The following NIPBL variants were observed in gnomAD, a reference collection of about 807,000 sequenced individuals.
The protein encoded by NIPBL is NIPBL cohesin loading factor, also known as nipped-B-like protein.
NIPBL carries 19 observed loss-of-function variants against 321.8 expected under a neutral mutation model. That is an observed-to-expected ratio of 0.06 (90% CI 0.04 to 0.09). NIPBL has a LOEUF of 0.09. Among genes scored for constraint, NIPBL ranks in the 10% least tolerant of loss-of-function variants. The probability of loss-of-function intolerance (pLI) is 1.00; values close to 1 mark genes in which losing one functional copy is unlikely to be tolerated. For missense variants in NIPBL, 2,210 were observed against 3,327.0 expected (o/e 0.66, Z 8.26); for synonymous variants, 1,106 against 1,114.1 (o/e 0.99, Z 0.14).
chr5:36,977,595 T>C (rs1743628308), intron 9 of NIPBL, among the ~76,000 whole-genome samples: 3 of 150,952 alleles, frequency 2.0e-5, no homozygotes, highest in African/African-American at 4.9e-5. Flanking sequence ...GGTTTTTTTT[T>C]CTTTGTCTTT....
intron 1 of NIPBL, among the ~76,000 whole-genome samples, chr5:36,946,622 T>C (rs1739714538): frequency 1.3e-5 from 2 of 151,714 alleles, no homozygotes; most frequent in African/African-American, 4.8e-5. Flanking sequence ...ATGTACTTAG[T>C]TTTAAGCCTT....
At chr5:36,879,766 CT>C (rs1745368731) in intron 1 of NIPBL, among the ~76,000 whole-genome samples, 1 of 152,034 alleles carries the variant, frequency 6.6e-6, no homozygotes, top group Non-Finnish European at 1.5e-5. Flanking sequence ...AACAATGTCG[CT>C]TATTGTTTCT....
intron 1 of NIPBL, among the ~76,000 whole-genome samples, chr5:36,938,818 G>A (rs979058105): frequency 4.6e-5 from 7 of 152,144 alleles, no homozygotes; most frequent in African/African-American, 1.7e-4. Flanking sequence ...AACTGACGTT[G>A]ATACAATCCG....
chr5:36,897,501 A>G (rs1406468965), intron 1 of NIPBL, among the ~76,000 whole-genome samples: 1 of 152,158 alleles, frequency 6.6e-6, no homozygotes, highest in Non-Finnish European at 1.5e-5. Context: ...CAAATAATAC[A>G]TGTCAACAGT....
chr5:36,952,744 C>T (rs1006628813), intron 1 of NIPBL, among the ~76,000 whole-genome samples: 2 of 152,206 alleles, frequency 1.3e-5, no homozygotes, highest in African/African-American at 4.8e-5. Context: ...CGTCTTTGTC[C>T]TTTATGTGGT....
chr5:36,951,029 C>G (rs1383991623), intron 1 of NIPBL, among the ~76,000 whole-genome samples: 15 of 152,124 alleles, frequency 9.9e-5, no homozygotes, highest in Non-Finnish European at 2.9e-5. Context: ...CAGTGAAGAT[C>G]AAATATTTTT....
intron 42 of NIPBL, among the ~76,000 whole-genome samples, chr5:37,053,396 G>A (rs1033658106): frequency 1.3e-5 from 2 of 152,186 alleles, no homozygotes; most frequent in African/African-American, 4.8e-5. Flanking sequence ...AACATGTTAT[G>A]TGGCACATGA....
intron 1 of NIPBL, chr5:36,886,060 C>G (rs541987696): frequency 1.4e-6 from 1 of 704,314 alleles, no homozygotes; most frequent in East Asian, 2.7e-5. Flanking sequence ...CCACTCAGTC[C>G]GCGCAGGTCG....
chr5:36,950,106 A>G (rs936352468), intron 1 of NIPBL, among the ~76,000 whole-genome samples: 4 of 151,976 alleles, frequency 2.6e-5, no homozygotes, highest in African/African-American at 9.7e-5. Context: ...GCCAGTATTT[A>G]TTTCTCCTAC....
chr5:36,917,797 T>C, intron 1 of NIPBL, among the ~76,000 whole-genome samples: 1 of 152,002 alleles, frequency 6.6e-6, no homozygotes, highest in Non-Finnish European at 1.5e-5. Flanking sequence ...TCCCCATTTC[T>C]TGTTTTTGTC....
At chr5:37,014,916 A>G (rs1474590312) in intron 22 of NIPBL, 151 bp downstream of exon 22, 3 of 629,858 alleles carry the variant, frequency 4.8e-6, no homozygotes, top group Admixed American at 5.4e-5. Context: ...AAATGAGGCA[A>G]TTGGAGTATT....
At chr5:36,932,402 T>A (rs1749842953) in intron 1 of NIPBL, among the ~76,000 whole-genome samples, 1 of 152,224 alleles carries the variant, frequency 6.6e-6, no homozygotes, top group Admixed American at 6.5e-5. Flanking sequence ...AAACGTTATA[T>A]CTTCCTTATG....
Position 37,038,586 on chromosome 5 carries a change from CTG to C in NIPBL, c.5972-14_5972-13del. ...TGTCATATTTTAGTGTCTTATTTCT[CTG>C]TTTGTTTTTCCAGACTCTGACAATA... On this transcript the variant is annotated splice_polypyrimidine_tract_variant and intron_variant, in intron 33 of 46. Coordinates refer to ENST00000282516, the MANE Select transcript of NIPBL (RefSeq NM_133433.4). The C allele has an allele frequency of 1.2e-6, 2 of 1,611,598 alleles. No individual in the cohort carries two copies. Among genetic ancestry groups the C allele is most frequent in the Non-Finnish European group, 1.7e-6 (2 of 1,178,356 alleles).
Position 37,057,197 on chromosome 5 carries a change from G to T in NIPBL, c.7275G>T (p.Val2425=). Residue 2425 remains valine (V), a synonymous_variant, in exon 43 of 47, where the codon GTG becomes GTT. Transcript: ENST00000282516. The part of the protein sequence containing the change: ...NLFDDTAKTD[V]TMLLYIADNL... ...CTTAAAATTTACAGAAAACAGACGT[G>T]ACTATGCTCTTGTATATAGCAGACA... 1 of 1,613,608 alleles carries T rather than the reference G, an allele frequency of 6.2e-7. No homozygotes were observed.
At chr5:37,049,828 A>G (rs977818869) in intron 40 of NIPBL, among the ~76,000 whole-genome samples, 4 of 152,260 alleles carry the variant, frequency 2.6e-5, no homozygotes, top group African/African-American at 9.6e-5. Context: ...ATGCTGATGT[A>G]GTAGTATATA....
intron 32 of NIPBL, among the ~76,000 whole-genome samples, chr5:37,030,228 G>C (rs2149709548): frequency 6.6e-6 from 1 of 152,212 alleles, no homozygotes; most frequent in Middle Eastern, 3.4e-3. Flanking sequence ...TATTTAGTTA[G>C]TAAGTTAGTT....
intron 31 of NIPBL, among the ~76,000 whole-genome samples, chr5:37,026,801 G>A (rs1043393199): frequency 6.6e-6 from 1 of 151,556 alleles, no homozygotes; most frequent in Admixed American, 6.6e-5. Context: ...AGTCTGAGAC[G>A]GGGGATCAAG....
chr5:37,007,890 G>GA, intron 18 of NIPBL, 118 bp from the exon 19 acceptor site: 2 of 724,620 alleles, frequency 2.8e-6, no homozygotes, highest in Non-Finnish European at 5.0e-6. Flanking sequence ...GTGGGGAAAA[G>GA]AAAAAATGCT....
chr5:36,911,511 C>CT (rs1748047957), intron 1 of NIPBL, among the ~76,000 whole-genome samples: 1 of 152,084 alleles, frequency 6.6e-6, no homozygotes, highest in Non-Finnish European at 1.5e-5. Flanking sequence ...TTACTTGAAT[C>CT]TTTTTTATGA....
Sources: gnomAD v4.1 joint callset for allele counts (sites outside exome capture counted in the v4.1 genomes callset) on GRCh38, gnomAD v4.1.1 for gene constraint, MANE v1.5 for transcripts, NCBI Gene and HGNC (gene_info 2026-07-23, HGNC 2026-07-21) for gene names.